The following MCPH1 variants were observed in gnomAD, a reference collection of about 807,000 sequenced individuals.
MCPH1 encodes the protein microcephalin 1.
A neutral mutation model predicts 84.5 loss-of-function variants in MCPH1; 104 were observed. The ratio of observed to expected loss-of-function variants is 1.23; its 90% CI spans 1.05 to 1.45. MCPH1 has a LOEUF of 1.45. MCPH1 is among the 40% of genes most tolerant of loss of function. The pLI, the probability that MCPH1 is intolerant of heterozygous loss-of-function variation, is 0.00. For missense variants in MCPH1, 1,498 were observed against 1,005.7 expected (o/e 1.49, Z -6.62); for synonymous variants, 514 against 366.8 (o/e 1.40, Z -4.58).
chr8:6,571,311 G>A (rs1017849701), intron 12 of MCPH1, among the ~76,000 whole-genome samples: 2 of 152,092 alleles, frequency 1.3e-5, no homozygotes, highest in African/African-American at 4.8e-5. Flanking sequence ...AACATGACCT[G>A]TGTTAAGTCA....
At chr8:6,437,601 C>G (rs1008474541) in intron 5 of MCPH1, among the ~76,000 whole-genome samples, 1 of 152,222 alleles carries the variant, frequency 6.6e-6, no homozygotes, top group African/African-American at 2.4e-5. Context: ...AGTGCTGCCA[C>G]ATAATTTTCC....
chr8:6,479,416 A>G (rs1456622019), intron 10 of MCPH1, among the ~76,000 whole-genome samples: 2 of 145,542 alleles, frequency 1.4e-5, no homozygotes, highest in African/African-American at 5.0e-5. Flanking sequence ...TTATTTATTT[A>G]TTTATTTATT....
chr8:6,592,623 G>GTTTC (rs1828569499), intron 12 of MCPH1, among the ~76,000 whole-genome samples: 1 of 77,558 alleles, frequency 1.3e-5, no homozygotes. Context: ...TCTTTTTTTT[G>GTTTC]TTTTTTTTTT....
Position 6,640,040 on chromosome 8 carries a change from G to T in MCPH1, c.2453-2954G>T, listed in dbSNP as rs1398753429. Among the ~76,000 whole-genome samples, 5 of 148,802 alleles carry T rather than the reference G, an allele frequency of 3.4e-5. No homozygotes were observed. The East Asian group carries it at 9.9e-4, about 29-fold the overall frequency. ...AGGCATGAACCCTGCAATACGGCTG[G>T]CTTCTGCTATTTTAAACTCGTGTGT... is the stretch of plus-strand genomic sequence containing the variant. On this transcript the variant is annotated intron_variant, in intron 13 of 13. Coordinates refer to ENST00000344683, the MANE Select transcript of MCPH1 (RefSeq NM_024596.5).
At chr8:6,491,191 G>T (rs1810527253) in intron 11 of MCPH1, among the ~76,000 whole-genome samples, 1 of 151,308 alleles carries the variant, frequency 6.6e-6, no homozygotes, top group Non-Finnish European at 1.5e-5. Flanking sequence ...AACTTAAATT[G>T]AGATCATGAG....
At chr8:6,604,647 C>T (rs868380901) in intron 12 of MCPH1, among the ~76,000 whole-genome samples, 1 of 152,196 alleles carries the variant, frequency 6.6e-6, no homozygotes, top group Non-Finnish European at 1.5e-5. Context: ...TAGGACTATA[C>T]GTGCGTGCCA....
In MCPH1 at chr8:6,496,397, C is replaced by G. The variant is rs940368250; in HGVS notation, c.2137-3455C>G. 2.6e-5 allele frequency among the ~76,000 whole-genome samples: 4 copies of G among 152,200 alleles called. No individual in the cohort carries two copies. In the South Asian group the frequency reaches 6.2e-4, roughly 24 times the overall value. ...GCTTCCTTCACTGGTTCACCCACCA[C>G]TCACCTCCTGCTGTGTGGCCCCGTT... On this transcript the variant is annotated intron_variant, in intron 11 of 13. Coordinates refer to ENST00000344683, the MANE Select transcript of MCPH1 (RefSeq NM_024596.5).
intron 12 of MCPH1, among the ~76,000 whole-genome samples, chr8:6,574,444 G>A (rs1196484729): frequency 4.6e-5 from 7 of 152,180 alleles, no homozygotes; most frequent in Non-Finnish European, 1.0e-4. Flanking sequence ...AACCTGCAGT[G>A]ACGCTACTTC....
intron 9 of MCPH1, among the ~76,000 whole-genome samples, chr8:6,474,465 A>C (rs78891458): frequency 2.0e-5 from 3 of 149,518 alleles, no homozygotes; most frequent in East Asian, 3.9e-4. Flanking sequence ...TGCTGTCTCC[A>C]AAAAAAAAAT....
chr8:6,461,285 T>A (rs1806253638), intron 9 of MCPH1, among the ~76,000 whole-genome samples: 1 of 150,508 alleles, frequency 6.6e-6, no homozygotes, highest in Admixed American at 6.6e-5. Context: ...TGTTTTTTTT[T>A]AGACTTATTT....
chr8:6,591,246 G>C (rs1209385468), intron 12 of MCPH1, among the ~76,000 whole-genome samples: 1 of 152,230 alleles, frequency 6.6e-6, no homozygotes, highest in Non-Finnish European at 1.5e-5. Flanking sequence ...AGTACGATGA[G>C]TAGTTAAAAT....
chr8:6,610,663 C>T (rs1184428841), intron 12 of MCPH1, among the ~76,000 whole-genome samples: 1 of 152,160 alleles, frequency 6.6e-6, no homozygotes, highest in Non-Finnish European at 1.5e-5. Context: ...TTAGAAAGTA[C>T]AGACCCCTAA....
intron 2 of MCPH1, 121 bp from the exon 3 acceptor site, chr8:6,414,644 T>G: frequency 2.9e-6 from 3 of 1,038,244 alleles, no homozygotes; most frequent in Non-Finnish European, 4.2e-6. Flanking sequence ...TGCATTCCTT[T>G]GAGTGTTTCT....
chr8:6,470,416 T>G (rs1022235400), intron 9 of MCPH1, among the ~76,000 whole-genome samples: 5 of 152,156 alleles, frequency 3.3e-5, no homozygotes, highest in African/African-American at 1.2e-4. Flanking sequence ...CCTGAGTAGC[T>G]GGGATTACAG....
At chr8:6,637,183 G>A (rs1441480473) in intron 13 of MCPH1, among the ~76,000 whole-genome samples, 1 of 152,202 alleles carries the variant, frequency 6.6e-6, no homozygotes, top group Non-Finnish European at 1.5e-5. Context: ...CAACTGACAG[G>A]AATATACAGC....
chr8:6,615,408 A>G (rs1586809509), intron 12 of MCPH1, among the ~76,000 whole-genome samples: 1 of 152,338 alleles, frequency 6.6e-6, no homozygotes, highest in East Asian at 1.9e-4. Flanking sequence ...TCACAATGAA[A>G]TGAGTTCACT....
intron 12 of MCPH1, among the ~76,000 whole-genome samples, chr8:6,610,557 G>A (rs1830172281): frequency 6.6e-6 from 1 of 152,066 alleles, no homozygotes; most frequent in African/African-American, 2.4e-5. Context: ...AAATTGCCCA[G>A]GGAAAGGAAA....
intron 9 of MCPH1, among the ~76,000 whole-genome samples, chr8:6,470,743 GA>G (rs2129558516): frequency 1.3e-5 from 2 of 152,382 alleles, no homozygotes; most frequent in South Asian, 4.1e-4. Context: ...CATGCCACAG[GA>G]ATCAGAGGCT....
intron 7 of MCPH1, among the ~76,000 whole-genome samples, chr8:6,443,474 CAG>C (rs1450217814): frequency 2.0e-5 from 3 of 151,632 alleles, no homozygotes; most frequent in Non-Finnish European, 4.4e-5. Flanking sequence ...TGATTTCAGA[CAG>C]AGAGTTCTAA....
Sources: gnomAD v4.1 joint callset for allele counts (sites outside exome capture counted in the v4.1 genomes callset) on GRCh38, gnomAD v4.1.1 for gene constraint, MANE v1.5 for transcripts, NCBI Gene and HGNC (gene_info 2026-07-23, HGNC 2026-07-21) for gene names.